Variants in SERPINF2 observed in about 807,000 individuals in gnomAD.
The protein encoded by SERPINF2 is serpin family F member 2, also known as alpha-2-antiplasmin.
Under a neutral mutation model 45.0 loss-of-function variants are expected in SERPINF2, and 15 were observed. The observed-to-expected ratio is 0.33, with a 90% CI of 0.22 to 0.51. SERPINF2 has a LOEUF of 0.51. SERPINF2 is among the 20% of genes least tolerant of loss of function. The pLI is 0.97. For synonymous variants in SERPINF2, 283 were observed against 277.9 expected, an observed-to-expected ratio of 1.02 and a Z score of -0.18; for missense variants, 518 against 637.4, an observed-to-expected ratio of 0.81 and a Z score of 2.02.
intron 1 of SERPINF2, 69 bp from the exon 2 acceptor site, chr17:1,744,923 G>C (rs536866023): frequency 5.6e-6 from 9 of 1,610,038 alleles, no homozygotes; most frequent in Non-Finnish European, 7.6e-6. Flanking sequence ...ATCTGTGATC[G>C]CGTGGGTAGG....
Position 1,754,334 on chromosome 17 carries a change from C to T in SERPINF2, c.1276C>T (p.Leu426Phe), listed in dbSNP as rs1906651884. 6.2e-7 allele frequency: 1 copy of T among 1,614,184 alleles called. No individual in the cohort carries two copies. The highest frequency in any genetic ancestry group is 8.5e-7 in the Non-Finnish European group (1 of 1,180,018). The change falls in exon 10 of 10, where the codon CTT (leucine) becomes TTT (phenylalanine). Residue 426 changes from leucine to phenylalanine, a missense_variant. By Grantham distance (22) the Leu-to-Phe change is conservative (BLOSUM62 0). Transcript: ENST00000453066. ...LFFIFEDTTG[L>F]PLFVGSVRNP... Reference sequence around the variant, plus strand: ...CTTCATCTTCGAGGACACCACAGGCCTTCCCCTCTTCGTGGGCAGCGTGAG... The same window carrying T: ...CTTCATCTTCGAGGACACCACAGGCTTTCCCCTCTTCGTGGGCAGCGTGAG...
chr17:1,743,774 G>A (rs576142498), intron 1 of SERPINF2, among the ~76,000 whole-genome samples: 1 of 151,386 alleles, frequency 6.6e-6, no homozygotes, highest in South Asian at 2.1e-4. Flanking sequence ...CTGGGTAGGA[G>A]CTCTGTGTTG....
intron 8 of SERPINF2, 114 bp from the exon 9 acceptor site, chr17:1,752,472 G>T: frequency 1.0e-5 from 9 of 902,550 alleles, no homozygotes; most frequent in Non-Finnish European, 1.5e-5. Context: ...TCAGTCACAC[G>T]CCTGGCAGGA....
At chr17:1,753,531 C>A (rs1906571720) in intron 9 of SERPINF2, among the ~76,000 whole-genome samples, 1 of 152,114 alleles carries the variant, frequency 6.6e-6, no homozygotes, top group African/African-American at 2.4e-5. Context: ...ACTAAAAATA[C>A]AAAAATTAGC....
chr17:1,747,981 T>C (rs1277386775), intron 7 of SERPINF2, among the ~76,000 whole-genome samples: 1 of 150,646 alleles, frequency 6.6e-6, no homozygotes, highest in Non-Finnish European at 1.5e-5. Context: ...CTAGAGTGAA[T>C]ACCCTGGGAA....
chr17:1,750,479 G>A (rs1906288370), intron 8 of SERPINF2, among the ~76,000 whole-genome samples: 1 of 151,752 alleles, frequency 6.6e-6, no homozygotes, highest in Admixed American at 6.6e-5. Flanking sequence ...AGTAGAGACA[G>A]GTTTCACCAT....
intron 9 of SERPINF2, among the ~76,000 whole-genome samples, chr17:1,753,057 G>A (rs369995824): frequency 2.2e-4 from 33 of 152,344 alleles, no homozygotes; most frequent in African/African-American, 7.7e-4. Flanking sequence ...GGGATGGCAT[G>A]TGAGCCTCGC....
chr17:1,748,527 C>T (rs1048165333), intron 7 of SERPINF2, 71 bp from the exon 8 acceptor site: 28 of 1,588,304 alleles, frequency 1.8e-5, no homozygotes, highest in Middle Eastern at 3.3e-4. Context: ...TGGTCCCCAT[C>T]GACGTGACCC....
At chr17:1,749,859 T>G (rs1240222995) in intron 8 of SERPINF2, among the ~76,000 whole-genome samples, 2 of 152,102 alleles carry the variant, frequency 1.3e-5, no homozygotes, top group African/African-American at 4.8e-5. Flanking sequence ...TCAGGGTCTC[T>G]GCAGCCCCCA....
At chr17:1,748,078 T>A (rs1488317861) in intron 7 of SERPINF2, among the ~76,000 whole-genome samples, 1 of 151,340 alleles carries the variant, frequency 6.6e-6, no homozygotes, top group Admixed American at 6.6e-5. Flanking sequence ...GGCGGGCAGA[T>A]CATGAGGTCA....
Position 1,754,363 on chromosome 17 carries a change from C to T in SERPINF2, c.1305C>T (p.Asn435=). The T allele has an allele frequency of 2.5e-6, 4 of 1,614,174 alleles. No homozygotes were observed. The highest frequency in any genetic ancestry group is 3.4e-6 in the Non-Finnish European group (4 of 1,180,028). The change falls in exon 10 of 10, where the codon AAC becomes AAT. Residue 435 remains asparagine, a synonymous_variant. Coordinates refer to ENST00000453066, the MANE Select transcript of SERPINF2 (RefSeq NM_000934.4). ...CCCTCTTCGTGGGCAGCGTGAGGAA[C>T]CCCAACCCCAGTGCACCGCGGGAGC... The part of the protein sequence containing the change: ...GLPLFVGSVR[N]PNPSAPRELK...
In SERPINF2 at chr17:1,752,689, C is replaced by A; in HGVS notation, c.962C>A (p.Thr321Asn). 2.5e-6 allele frequency: 4 copies of A among 1,614,124 alleles called. No homozygotes were observed. Among genetic ancestry groups the A allele is most frequent in the Non-Finnish European group, 3.4e-6 (4 of 1,180,012 alleles). Residue 321 changes from threonine (T) to asparagine (N), a missense_variant, in exon 9 of 10, where the codon ACC becomes AAC. Coordinates refer to ENST00000453066, the MANE Select transcript of SERPINF2 (RefSeq NM_000934.4). ...GTACTGGCCAACCTGAGTTGGGACA[C>A]CCTGCACCCACCTCTGGTGTGGGAG... ...SQVLANLSWDTLHPPLVWERP... is the reference protein window; with the variant it reads ...SQVLANLSWDNLHPPLVWERP...
At position 1,745,055 on chromosome 17, in the gene SERPINF2, C is replaced by A. The variant is rs370280422; in HGVS notation, c.60C>A (p.Ser20=). Residue 20 remains serine (S), a synonymous_variant, in exon 2 of 10, where the codon TCC becomes TCA. Coordinates refer to ENST00000453066, the MANE Select transcript of SERPINF2 (RefSeq NM_000934.4). This position sits in a 1 kb window ranked among gnomAD's most constrained non-coding sequence, Gnocchi z 6.2. ...GGTCCTGCCTGCAAGGCCCCTGCTC[C>A]GTGGTGAGGCTGGGCTGAAGTCAAG... ...LSWSCLQGPC[S]VFSPVSAMEP... is the part of the protein sequence containing the mutation. The A allele has an allele frequency of 1.9e-6, 3 of 1,603,178 alleles. No individual in the cohort carries two copies. The highest frequency in any genetic ancestry group is 2.7e-5 in the African/African-American group (2 of 73,610).
Position 1,748,657 on chromosome 17 carries a change from G to A in SERPINF2, c.775G>A (p.Glu259Lys), listed in dbSNP as rs939393245. The change falls in exon 8 of 10, where the codon GAG becomes AAG. Residue 259 changes from glutamate (E) to lysine (K), a missense_variant. Around this residue, in one of 2 missense-constraint regions of SERPINF2, gnomAD observed 435 missense variants for 577.3 expected, o/e 0.75. Coordinates refer to ENST00000453066, the MANE Select transcript of SERPINF2 (RefSeq NM_000934.4). ...LTQRDSFHLD[E>K]QFTVPVEMMQ... The stretch of plus-strand genomic sequence containing the variant: ...CCAGAGAGACTCCTTCCACCTGGAC[G>A]AGCAGTTCACGGTGCCCGTGGAAAT... 1.2e-6 allele frequency: 2 copies of A among 1,613,728 alleles called. No individual in the cohort carries two copies. Among genetic ancestry groups the A allele is most frequent in the Non-Finnish European group, 1.7e-6 (2 of 1,179,692 alleles).
Position 1,745,927 on chromosome 17 carries a change from G to A in SERPINF2, c.367+18G>A. ...GGCACTAGGTACCCTGGCACCACTT[G>A]TCCAGACCAAGAGAGCTGGGAGGCC... On this transcript the variant is annotated intron_variant, in intron 5 of 9. Transcript: ENST00000453066. The surrounding 1 kb of genome is among the most constrained non-coding windows in gnomAD (Gnocchi z 6.2). 1 of 1,609,636 alleles carries A rather than the reference G, an allele frequency of 6.2e-7. No individual in the cohort carries two copies. The highest frequency in any genetic ancestry group is 8.5e-7 in the Non-Finnish European group (1 of 1,178,368).
chr17:1,752,505 C>T (rs1698283145), intron 8 of SERPINF2, 81 bp from the exon 9 acceptor site: 2 of 1,286,384 alleles, frequency 1.6e-6, no homozygotes, highest in Non-Finnish European at 2.3e-6. Context: ...CCATTGTCTG[C>T]CTTAGGAGCA....
rs754289772 is a variant in SERPINF2 at position 1,745,669 on chromosome 17, G to C, written c.166-39G>C. Reference sequence around the variant, plus strand: ...GGCCTTCAACACAGAACCTGGAGCTGACCCCTTGACCTCCCTGACCCCTGA... The same window carrying C: ...GGCCTTCAACACAGAACCTGGAGCTCACCCCTTGACCTCCCTGACCCCTGA... On this transcript the variant is annotated intron_variant, in intron 4 of 9. Transcript: ENST00000453066. This position sits in a 1 kb window ranked among gnomAD's most constrained non-coding sequence, Gnocchi z 6.2. The C allele has an allele frequency of 1.3e-6, 2 of 1,592,836 alleles. No individual in the cohort carries two copies. Among genetic ancestry groups the C allele is most frequent in the African/African-American group, 1.3e-5 (1 of 74,598 alleles).
chr17:1,748,298 C>T (rs569498434), intron 7 of SERPINF2, among the ~76,000 whole-genome samples: 22 of 114,930 alleles, frequency 1.9e-4, no homozygotes, highest in Admixed American at 1.1e-3. Context: ...AGCGAGACTC[C>T]GTCTAAAAAA....
chr17:1,748,231 G>T (rs1382016552), intron 7 of SERPINF2, among the ~76,000 whole-genome samples: 2 of 152,062 alleles, frequency 1.3e-5, no homozygotes, highest in East Asian at 1.9e-4. Flanking sequence ...AGCCCGGGAG[G>T]CGGTGGAGCT....
Sources: allele counts gnomAD v4.1 joint callset (sites outside exome capture counted in the v4.1 genomes callset), GRCh38; gene constraint gnomAD v4.1.1; regional missense constraint gnomAD v4.1.1; non-coding constraint Gnocchi (gnomAD v3.1); transcripts MANE v1.5; gene names NCBI Gene and HGNC (gene_info 2026-07-23, HGNC 2026-07-21).